NCBP1: variants seen among roughly 807,000 people sequenced by gnomAD.
NCBP1 encodes nuclear cap-binding protein subunit 1.
In NCBP1, 16 loss-of-function variants were observed where a neutral mutation model predicts 111.7. That is an observed-to-expected ratio of 0.14 (90% CI 0.10 to 0.22). The LOEUF (loss-of-function observed/expected upper bound fraction) is 0.22. NCBP1 is among the 10% of genes least tolerant of loss of function. The pLI is 1.00. For synonymous variants in NCBP1, 304 were observed against 314.3 expected, an observed-to-expected ratio of 0.97 and a Z score of 0.35; for missense variants, 607 against 957.5, an observed-to-expected ratio of 0.63 and a Z score of 4.83.
In NCBP1 at chr9:97,651,385, A is replaced by G. The variant is rs376035196; in HGVS notation, c.1059+12A>G. ...ACCACATAGTTGAGGTATGAATTCC[A>G]TGTGGAGCGTGTTTCTGAGTTTCAG... On this transcript the variant is annotated intron_variant, in intron 10 of 22. Coordinates refer to ENST00000375147, the MANE Select transcript of NCBP1 (RefSeq NM_002486.5). 78 of 1,610,092 alleles carry G rather than the reference A, an allele frequency of 4.8e-5. No individual in the cohort carries two copies. Among genetic ancestry groups the G allele is most frequent in the Non-Finnish European group, 6.0e-5 (71 of 1,177,936 alleles).
intron 6 of NCBP1, among the ~76,000 whole-genome samples, chr9:97,646,274 A>G (rs1046506394): frequency 2.0e-5 from 3 of 152,202 alleles, no homozygotes; most frequent in Non-Finnish European, 2.9e-5. Context: ...TTTCAATTAA[A>G]ATAGTCACAT....
intron 19 of NCBP1, 88 bp from the exon 20 acceptor site, chr9:97,666,675 G>A: frequency 3.6e-6 from 3 of 831,358 alleles, no homozygotes; most frequent in East Asian, 5.4e-5. Flanking sequence ...TGTATCAGCT[G>A]TTAAGAATGA....
rs781641948 is a variant in NCBP1 at position 97,645,717 on chromosome 9, C to T, written c.596C>T (p.Thr199Ile). The stretch of plus-strand genomic sequence containing the variant: ...GAGATGGACCGCATCTTTGCCAACA[C>T]TGAAAGCTATCTTAAGTAAGGGCAC... ...DAEMDRIFAN[T>I]ESYLKRRQKT... The change falls in exon 6 of 23, where the codon ACT (threonine) becomes ATT (isoleucine). Residue 199 changes from threonine (T) to isoleucine (I), a missense_variant. Physicochemically the swap from Thr to Ile is moderately conservative, Grantham distance 89. Around this residue, in one of 9 missense-constraint regions of NCBP1, gnomAD observed 185 missense variants for 272.0 expected, o/e 0.68. Coordinates refer to ENST00000375147, the MANE Select transcript of NCBP1 (RefSeq NM_002486.5). 1.9e-6 allele frequency: 3 copies of T among 1,613,938 alleles called. No homozygotes were observed. Among genetic ancestry groups the T allele is most frequent in the Admixed American group, 1.7e-5 (1 of 60,022 alleles).
At chr9:97,669,502 G>C in intron 21 of NCBP1, 91 bp from the exon 22 acceptor site, 2 of 804,570 alleles carry the variant, frequency 2.5e-6, no homozygotes, top group South Asian at 1.6e-5. Flanking sequence ...GGGTGGAACA[G>C]GCAATACTTT....
chr9:97,653,693 A>G (rs1482773439), intron 10 of NCBP1, 105 bp from the exon 11 acceptor site: 1 of 739,042 alleles, frequency 1.4e-6, no homozygotes, highest in Non-Finnish European at 2.2e-6. Context: ...CCATTTTCAT[A>G]TGAATGCCAT....
chr9:97,640,722 C>A, intron 1 of NCBP1, 72 bp from the exon 2 acceptor site: 1 of 1,215,412 alleles, frequency 8.2e-7, no homozygotes, highest in Non-Finnish European at 1.2e-6. Flanking sequence ...AGATTATAAC[C>A]TAAAAAGGTT....
In NCBP1 at chr9:97,645,339, A is replaced by G. The variant is rs1827305799; in HGVS notation, c.489+115A>G. The G allele has an allele frequency of 3.5e-6, 3 of 848,410 alleles. No homozygotes were observed. The African/African-American group carries it at 5.1e-5, about 15-fold the overall frequency. The allele number at this position is 848,410 out of a possible 1,614,324, so 52.6% of individuals were successfully genotyped here. A position where few individuals can be genotyped will look rare whatever the true frequency, so the allele number is the denominator to read the frequency against. ...GATAACCCATTAGCAATAAAGAAAAAAATAACAGCAGACTATCACACTTTA... is the reference window on the plus strand; with the variant it reads ...GATAACCCATTAGCAATAAAGAAAAGAATAACAGCAGACTATCACACTTTA... On this transcript the variant is annotated intron_variant, in intron 5 of 22. Coordinates refer to ENST00000375147, the MANE Select transcript of NCBP1 (RefSeq NM_002486.5).
Position 97,641,680 on chromosome 9 carries a change from T to G in NCBP1, c.224+18T>G, listed in dbSNP as rs141438765. 354 of 1,584,280 alleles carry G rather than the reference T, an allele frequency of 2.2e-4. 5 individuals carry two copies. In the African/African-American group the frequency reaches 4.4e-3, roughly 20 times the overall value. On this transcript the variant is annotated intron_variant, in intron 3 of 22. Coordinates refer to ENST00000375147, the MANE Select transcript of NCBP1 (RefSeq NM_002486.5). Reference sequence around the variant, plus strand: ...TGTACAGTGTATGTATGCAAAAGATTTATGAATCCAGGTGATAATGTATTA... The same window carrying G: ...TGTACAGTGTATGTATGCAAAAGATGTATGAATCCAGGTGATAATGTATTA...
intron 6 of NCBP1, among the ~76,000 whole-genome samples, chr9:97,646,908 A>G (rs1004918640): frequency 6.6e-6 from 1 of 150,388 alleles, no homozygotes; most frequent in African/African-American, 2.4e-5. Context: ...TTTTATTCAA[A>G]TGATAGCCCA....
At chr9:97,636,573 CTAATA>C (rs1827038326) in intron 1 of NCBP1, among the ~76,000 whole-genome samples, 4 of 135,358 alleles carry the variant, frequency 3.0e-5, no homozygotes, top group South Asian at 2.3e-4. Flanking sequence ...AATATATACT[CTAATA>C]TATATTTTAC....
chr9:97,670,901 T>G (rs1369536137), intron 22 of NCBP1, among the ~76,000 whole-genome samples, 185 bp from the exon 23 acceptor site: 1 of 152,196 alleles, frequency 6.6e-6, no homozygotes, highest in Non-Finnish European at 1.5e-5. Flanking sequence ...ATCCATTTTT[T>G]TCATTTCCCT....
Position 97,671,438 on chromosome 9 carries a change from T to G in NCBP1, c.*239T>G, listed in dbSNP as rs998405743. On this transcript the variant is annotated 3_prime_UTR_variant, in exon 23 of 23. Coordinates refer to ENST00000375147, the MANE Select transcript of NCBP1 (RefSeq NM_002486.5). ...TATTATATATGTGACAGATACAAAT[T>G]CTCTGTGATCAGTTTGTTATTTTTT... 4 of 402,662 alleles carry G rather than the reference T, an allele frequency of 9.9e-6. No homozygotes were observed. Among genetic ancestry groups the G allele is most frequent in the Non-Finnish European group, 1.8e-5 (4 of 223,722 alleles). 24.9% of individuals were successfully genotyped at this position (402,662 alleles called of 1,614,324 possible).
At chr9:97,635,297 C>G (rs1826979908) in intron 1 of NCBP1, among the ~76,000 whole-genome samples, 1 of 152,178 alleles carries the variant, frequency 6.6e-6, no homozygotes, top group Non-Finnish European at 1.5e-5. Flanking sequence ...CGAATCCAGT[C>G]CGGGGCTCTC....
At chr9:97,659,597 T>C (rs1394578798) in intron 15 of NCBP1, among the ~76,000 whole-genome samples, 2 of 152,202 alleles carry the variant, frequency 1.3e-5, no homozygotes, top group Admixed American at 6.5e-5. Flanking sequence ...TGCTTTTGAG[T>C]GGTGGAGCCC....
At position 97,664,200 on chromosome 9, in the gene NCBP1, G is replaced by A. The variant is rs1587724110; in HGVS notation, c.1798-140G>A. The A allele has an allele frequency of 2.8e-5, 15 of 533,498 alleles. No homozygotes were observed. In the East Asian group the frequency reaches 4.5e-4, roughly 16 times the overall value. The allele number at this position is 533,498 out of a possible 1,614,324, so 33.0% of individuals were successfully genotyped here. A position where few individuals can be genotyped will look rare whatever the true frequency, so the allele number is the denominator to read the frequency against. On this transcript the variant is annotated intron_variant, in intron 18 of 22. Coordinates refer to ENST00000375147, the MANE Select transcript of NCBP1 (RefSeq NM_002486.5). The stretch of plus-strand genomic sequence containing the variant: ...TCCCAAAAAAAAGACCTAATGGTCA[G>A]ATTGATCAATCAATTCCATAGCCAC...
At chr9:97,645,910 TA>T (rs1827318700) in intron 6 of NCBP1, among the ~76,000 whole-genome samples, 178 bp downstream of exon 6, 1 of 152,246 alleles carries the variant, frequency 6.6e-6, no homozygotes, top group Admixed American at 6.5e-5. Flanking sequence ...ATGGTTTGCT[TA>T]CTTTTGCCAG....
chr9:97,654,760 A>G, intron 11 of NCBP1, 120 bp from the exon 12 acceptor site: 1 of 886,826 alleles, frequency 1.1e-6, no homozygotes, highest in South Asian at 1.5e-5. Context: ...TGATTGTGTG[A>G]AAAGATGTTC....
intron 10 of NCBP1, among the ~76,000 whole-genome samples, chr9:97,653,565 C>G (rs1827557721): frequency 7.7e-6 from 1 of 130,220 alleles, no homozygotes; most frequent in African/African-American, 2.8e-5. Context: ...ATCGAATAAG[C>G]ATTAGTGTCG....
chr9:97,651,092 A>T (rs1327789011), intron 9 of NCBP1, among the ~76,000 whole-genome samples: 2 of 151,860 alleles, frequency 1.3e-5, no homozygotes, highest in Admixed American at 6.6e-5. Flanking sequence ...TATTACCTAG[A>T]CTCCTTTTGA....
Sources: allele counts gnomAD v4.1 joint callset (sites outside exome capture counted in the v4.1 genomes callset), GRCh38; gene constraint gnomAD v4.1.1; regional missense constraint gnomAD v4.1.1; transcripts MANE v1.5; gene names NCBI Gene and HGNC (gene_info 2026-07-23, HGNC 2026-07-21).